The following ZNF354A variants were observed in gnomAD, a reference collection of about 807,000 sequenced individuals.
ZNF354A encodes zinc finger protein 354A.
In ZNF354A, 25 loss-of-function variants were observed where a neutral mutation model predicts 53.3. That is an observed-to-expected ratio of 0.47 (90% confidence interval 0.34 to 0.66). The LOEUF is 0.66. Ranked by LOEUF, ZNF354A falls within the 30% of genes least tolerant of loss-of-function variation. The probability of loss-of-function intolerance (pLI) is 0.01; values close to 1 mark genes in which losing one functional copy is unlikely to be tolerated. For missense variants in ZNF354A, 586 were observed against 716.8 expected (o/e 0.82, Z 2.08); for synonymous variants, 228 against 249.0 (o/e 0.92, Z 0.79).
At chr5:178,713,685 A>G in intron 4 of ZNF354A, 64 bp from the exon 5 acceptor site, 1 of 1,483,110 alleles carries the variant, frequency 6.7e-7, no homozygotes. Context: ...TACTGAGACT[A>G]AAAGTGTAGA....
intron 4 of ZNF354A, among the ~76,000 whole-genome samples, chr5:178,717,178 G>T (rs572972777): frequency 6.6e-6 from 1 of 152,184 alleles, no homozygotes; most frequent in South Asian, 2.1e-4. Context: ...CTAAGGACTG[G>T]AATTTAAGCC....
chr5:178,712,410 C>G lies in ZNF354A; in HGVS notation c.1468G>C (p.Gly490Arg). The G allele has an allele frequency of 6.2e-7, 1 of 1,613,798 alleles. No homozygotes were observed. Among genetic ancestry groups the G allele is most frequent in the African/African-American group, 1.3e-5 (1 of 75,006 alleles). ...ALIQHQRMHT[G>R]ERPYKCNECG... ...TCGTTACATTTATAGGGTCTTTCTC[C>G]AGTATGCATTCTCTGATGTTGAATG... The change falls in exon 5 of 5, where the codon GGA (glycine) becomes CGA (arginine). Residue 490 changes from glycine (G) to arginine (R), a missense_variant. Physicochemically the swap from Gly to Arg is moderately radical, Grantham distance 125. Transcript: ENST00000335815.
intron 4 of ZNF354A, among the ~76,000 whole-genome samples, chr5:178,722,503 T>C (rs1765829629): frequency 6.6e-6 from 1 of 152,096 alleles, no homozygotes; most frequent in Non-Finnish European, 1.5e-5. Flanking sequence ...GACAACCCCA[T>C]CTCCCTTTTG....
rs527377218 is a variant in ZNF354A, at chr5:178,713,252, G to A, written c.626C>T (p.Thr209Ile). ...NSQLLNQPKI[T>I]ADKRYKCSLC... ...ACTACATTTATAGCGTTTATCTGCTGTAATTTTTGGTTGATTAAGTAATTG... is the reference window on the plus strand; with the variant it reads ...ACTACATTTATAGCGTTTATCTGCTATAATTTTTGGTTGATTAAGTAATTG... The change falls in exon 5 of 5, where the codon ACA (threonine) becomes ATA (isoleucine). Residue 209 changes from threonine to isoleucine, a missense_variant. Physicochemically the swap from Thr to Ile is moderately conservative, Grantham distance 89. Around this residue, in one of 2 missense-constraint regions of ZNF354A, gnomAD observed 573 missense variants for 680.1 expected, o/e 0.84. Coordinates refer to ENST00000335815, the MANE Select transcript of ZNF354A (RefSeq NM_005649.3). The A allele has an allele frequency of 6.2e-7, 1 of 1,614,130 alleles. No homozygotes were observed. The highest frequency in any genetic ancestry group is 1.3e-5 in the African/African-American group (1 of 75,056).
chr5:178,727,952 A>G (rs1201755298), intron 2 of ZNF354A, among the ~76,000 whole-genome samples: 1 of 152,060 alleles, frequency 6.6e-6, no homozygotes, highest in African/African-American at 2.4e-5. Flanking sequence ...CCGGGTTCCA[A>G]TGATTCTCTT....
intron 4 of ZNF354A, among the ~76,000 whole-genome samples, chr5:178,721,230 T>C (rs1349519200): frequency 1.3e-5 from 2 of 152,138 alleles, no homozygotes; most frequent in Admixed American, 6.6e-5. Flanking sequence ...TTGTTGGCGA[T>C]GTTGTGCAGT....
chr5:178,726,560 A>T (rs1382718654), intron 3 of ZNF354A, among the ~76,000 whole-genome samples: 1 of 152,110 alleles, frequency 6.6e-6, no homozygotes, highest in Non-Finnish European at 1.5e-5. Flanking sequence ...TTGGCCTCCC[A>T]AAGTGCTGGG....
At position 178,725,357 on chromosome 5, in the gene ZNF354A, C is replaced by T. The variant is rs767879516; in HGVS notation, c.256+19G>A. The stretch of plus-strand genomic sequence containing the variant: ...GACCATTGTCTGCGGCCATTCCGCA[C>T]CTCGGGCCACCCACTTACCTAGAGA... On this transcript the variant is annotated intron_variant, in intron 4 of 4. Transcript: ENST00000335815. 6.2e-7 allele frequency: 1 copy of T among 1,612,024 alleles called. No homozygotes were observed. The highest frequency in any genetic ancestry group is 1.1e-5 in the South Asian group (1 of 91,034).
intron 4 of ZNF354A, among the ~76,000 whole-genome samples, chr5:178,716,849 T>A (rs986606953): frequency 2.0e-5 from 3 of 151,440 alleles, no homozygotes; most frequent in African/African-American, 7.3e-5. Flanking sequence ...GAGGCCGAGG[T>A]GGGTGCATCA....
chr5:178,715,502 C>T (rs1006330087), intron 4 of ZNF354A, among the ~76,000 whole-genome samples: 12 of 152,134 alleles, frequency 7.9e-5, no homozygotes, highest in African/African-American at 2.9e-4. Flanking sequence ...TTATGCTTAA[C>T]ACCTTCCTAG....
intron 4 of ZNF354A, among the ~76,000 whole-genome samples, chr5:178,719,926 G>A (rs1338903726): frequency 2.1e-5 from 3 of 143,606 alleles, no homozygotes; most frequent in Admixed American, 7.2e-5. Context: ...CAGCCTGGGC[G>A]ACAGAGCGAG....
intron 4 of ZNF354A, among the ~76,000 whole-genome samples, chr5:178,713,985 T>G (rs1343143127): frequency 2.4e-5 from 2 of 81,748 alleles, no homozygotes; most frequent in African/African-American, 3.4e-5. Flanking sequence ...TTTTTTTTTG[T>G]TTTTTTTTTT....
intron 4 of ZNF354A, among the ~76,000 whole-genome samples, chr5:178,722,044 T>C (rs1340947152): frequency 1.3e-5 from 2 of 152,210 alleles, no homozygotes; most frequent in Admixed American, 6.5e-5. Context: ...CATTCCATCA[T>C]GAGCCTTGCC....
chr5:178,712,196 T>C lies in ZNF354A; in HGVS notation c.1682A>G (p.Gln561Arg). 1.9e-6 allele frequency: 3 copies of C among 1,614,092 alleles called. No individual in the cohort carries two copies. The highest frequency in any genetic ancestry group is 2.5e-6 in the Non-Finnish European group (3 of 1,180,002). Residue 561 changes from glutamine to arginine, a missense_variant, in exon 5 of 5, where the codon CAA becomes CGA. This residue lies in a region of ZNF354A where 573 missense variants were observed against 680.1 expected (regional missense o/e 0.84). Coordinates refer to ENST00000335815, the MANE Select transcript of ZNF354A (RefSeq NM_005649.3). The part of the protein sequence containing the change: ...KCNTCGKTFR[Q>R]SSSRIAHQRI... ...CTGATGTGCAATACGTGATGAGCTT[T>C]GTCTAAAAGTTTTTCCACATGTATT...
At chr5:178,729,515 T>G (rs1442048906) in intron 1 of ZNF354A, 3 of 200,190 alleles carry the variant, frequency 1.5e-5, no homozygotes, top group Non-Finnish European at 3.0e-5. Flanking sequence ...GGTTCCTCTC[T>G]CTCCCGCCAA....
chr5:178,724,130 G>T (rs865847351), intron 4 of ZNF354A, among the ~76,000 whole-genome samples: 1 of 141,272 alleles, frequency 7.1e-6, no homozygotes, highest in Non-Finnish European at 1.6e-5. Flanking sequence ...CGTGGGCGCC[G>T]CCTCCTCCCT....
At chr5:178,718,471 C>T (rs940847124) in intron 4 of ZNF354A, among the ~76,000 whole-genome samples, 2 of 152,214 alleles carry the variant, frequency 1.3e-5, no homozygotes, top group African/African-American at 4.8e-5. Context: ...TGGATGATTT[C>T]ATTTACTCCC....
At chr5:178,725,616 G>T in intron 3 of ZNF354A, 145 bp from the exon 4 acceptor site, 1 of 737,006 alleles carries the variant, frequency 1.4e-6, no homozygotes, top group Non-Finnish European at 2.2e-6. Context: ...GAGGTAAGGG[G>T]GTAAGGCGGT....
intron 4 of ZNF354A, among the ~76,000 whole-genome samples, 154 bp from the exon 5 acceptor site, chr5:178,713,775 TA>T (rs1010505638): frequency 3.3e-5 from 5 of 152,130 alleles, no homozygotes; most frequent in African/African-American, 1.2e-4. Flanking sequence ...ATAGGACAGT[TA>T]GACAGTATAA....
Sources: gnomAD v4.1 joint callset for allele counts (sites outside exome capture counted in the v4.1 genomes callset) on GRCh38, gnomAD v4.1.1 for gene constraint, gnomAD v4.1.1 regional missense constraint, MANE v1.5 for transcripts, NCBI Gene and HGNC (gene_info 2026-07-23, HGNC 2026-07-21) for gene names.